SBF1: variants seen among roughly 807,000 people sequenced by gnomAD.
SBF1 encodes the protein myotubularin-related protein 5.
In SBF1, 65 loss-of-function variants were observed where a neutral mutation model predicts 215.8. That is an observed-to-expected ratio of 0.30 (90% CI 0.25 to 0.37). The LOEUF is 0.37. Among genes scored for constraint, SBF1 ranks in the 10% least tolerant of loss-of-function variants. The pLI is 1.00. For synonymous variants in SBF1, 1,410 were observed against 1,122.8 expected (o/e 1.26, Z -5.11); for missense variants, 2,634 against 2,667.8 (o/e 0.99, Z 0.28).
Position 50,455,095 on chromosome 22 carries a change from G to A in SBF1, c.4602C>T (p.Leu1534=). Residue 1534 remains leucine (L), a synonymous_variant, in exon 34 of 41, where the codon CTC becomes CTT. Transcript: ENST00000380817. ...ACACATGGTGGTAGCCGAGGAACTT[G>A]AGGTAGAACTGGCTGAACTCAAACT... The part of the protein sequence containing the change: ...PMEFEFSQFY[L]KFLGYHHVSR... 6.2e-7 allele frequency: 1 copy of A among 1,614,140 alleles called. No individual in the cohort carries two copies. The highest frequency in any genetic ancestry group is 1.3e-5 in the African/African-American group (1 of 75,066).
At chr22:50,459,446 C>T in intron 27 of SBF1, 24 bp downstream of exon 27, 1 of 1,611,774 alleles carries the variant, frequency 6.2e-7, no homozygotes, top group African/African-American at 1.3e-5. Context: ...GCAGGGCAGG[C>T]ACAGGGCAGG....
chr22:50,466,225 C>A lies in SBF1; in HGVS notation c.822G>T (p.Leu274=), dbSNP rs765389414. 1.2e-6 allele frequency: 2 copies of A among 1,613,510 alleles called. No homozygotes were observed. Among genetic ancestry groups the A allele is most frequent in the East Asian group, 4.5e-5 (2 of 44,880 alleles). The change falls in exon 8 of 41, where the codon CTG becomes CTT. Residue 274 remains leucine (L), a synonymous_variant. Transcript: ENST00000380817. ...FTYVPILPAQ[L]LEVLSTPTPF... ...GCGTGGGTGTGCTGAGGACCTCCAG[C>A]AGCTGAGCCGGCAGGATGGGCACAT...
At chr22:50,467,285 C>A in intron 5 of SBF1, 53 bp downstream of exon 5, 3 of 1,463,978 alleles carry the variant, frequency 2.0e-6, no homozygotes, top group Non-Finnish European at 9.5e-7. Flanking sequence ...CCTACCAGGG[C>A]CCCAGCAGGA....
Position 50,446,744 on chromosome 22 carries a change from G to A in SBF1, c.*398C>T, listed in dbSNP as rs1378943900. Reference sequence around the variant, plus strand: ...CAGGTGGGCCTGGATAGGGGCAGATGGGACCCTCTGGGTAGGCCGAGAGCA... The same window carrying A: ...CAGGTGGGCCTGGATAGGGGCAGATAGGACCCTCTGGGTAGGCCGAGAGCA... On this transcript the variant is annotated 3_prime_UTR_variant, in exon 41 of 41. Coordinates refer to ENST00000380817, the MANE Select transcript of SBF1 (RefSeq NM_002972.4). The A allele has an allele frequency of 1.0e-5, 5 of 493,878 alleles. No individual in the cohort carries two copies. The highest frequency in any genetic ancestry group is 1.6e-5 in the Non-Finnish European group (4 of 252,038). 30.6% of individuals were successfully genotyped at this position (493,878 alleles called of 1,614,324 possible). A position where few individuals can be genotyped will look rare whatever the true frequency, so the allele number is the denominator to read the frequency against.
chr22:50,458,954 G>A (rs766648178), intron 28 of SBF1, among the ~76,000 whole-genome samples: 3 of 152,232 alleles, frequency 2.0e-5, no homozygotes, highest in Non-Finnish European at 4.4e-5. Flanking sequence ...AGACAGAGCC[G>A]CGTAGAGGCA....
chr22:50,453,934 C>T (rs2067146331), intron 36 of SBF1, among the ~76,000 whole-genome samples: 1 of 152,132 alleles, frequency 6.6e-6, no homozygotes, highest in African/African-American at 2.4e-5. Flanking sequence ...AAAGGTAGCA[C>T]CACGCGCAGG....
intron 36 of SBF1, among the ~76,000 whole-genome samples, chr22:50,450,444 A>T (rs541762515): frequency 5.3e-5 from 8 of 150,664 alleles, no homozygotes; most frequent in African/African-American, 2.0e-4. Flanking sequence ...TTGCTTGAAC[A>T]TGGGAAGTGG....
At chr22:50,457,285 CCT>C in intron 28 of SBF1, 174 bp from the exon 29 acceptor site, 1 of 497,548 alleles carries the variant, frequency 2.0e-6, no homozygotes, top group Non-Finnish European at 3.4e-6. Context: ...CTGGTGTGGG[CCT>C]CTCTGCCAGG....
At position 50,447,438 on chromosome 22, in the gene SBF1, G is replaced by A; in HGVS notation, c.5467C>T (p.His1823Tyr). 1 of 1,613,720 alleles carries A rather than the reference G, an allele frequency of 6.2e-7. No homozygotes were observed. The highest frequency in any genetic ancestry group is 8.5e-7 in the Non-Finnish European group (1 of 1,179,934). The change falls in exon 40 of 41, where the codon CAC becomes TAC. Residue 1823 changes from histidine to tyrosine, a missense_variant. Transcript: ENST00000380817. Reference sequence around the variant, plus strand: ...CCCTTGCACTCTGTGTCCACACGGTGGTCGTAGTAGCGCAGCTGGAGGAGG... The same window carrying A: ...CCCTTGCACTCTGTGTCCACACGGTAGTCGTAGTAGCGCAGCTGGAGGAGG... Reference protein sequence around the residue: ...KTKHQLRYYDHRVDTECKGVI... With the variant: ...KTKHQLRYYDYRVDTECKGVI...
In SBF1 at chr22:50,456,726, C is replaced by T; in HGVS notation, c.3905-53G>A. ...CAAAGGGGGCCAGGGCACCACTTACCTGGGGCTGGCTGGGCCCGGCCTCCA... is the reference window on the plus strand; with the variant it reads ...CAAAGGGGGCCAGGGCACCACTTACTTGGGGCTGGCTGGGCCCGGCCTCCA... On this transcript the variant is annotated intron_variant, in intron 29 of 40. Coordinates refer to ENST00000380817, the MANE Select transcript of SBF1 (RefSeq NM_002972.4). The T allele has an allele frequency of 2.1e-6, 3 of 1,400,768 alleles. No homozygotes were observed. In the South Asian group the frequency reaches 4.6e-5, roughly 21 times the overall value. 86.8% of individuals were successfully genotyped at this position (1,400,768 alleles called of 1,614,324 possible).
intron 31 of SBF1, 183 bp downstream of exon 31, chr22:50,456,033 C>T: frequency 6.0e-6 from 4 of 662,568 alleles, no homozygotes; most frequent in Non-Finnish European, 1.0e-5. Context: ...GTCAGCTGGC[C>T]CCAGCCAGGC....
At position 50,446,460 on chromosome 22, in the gene SBF1, G is replaced by A. The variant is rs1453511046; in HGVS notation, c.*682C>T. ...TCTGGACCTGCAACAGCCTTCTGGG[G>A]TCAAATGACCACCCACCCTTTCACC... is the stretch of plus-strand genomic sequence containing the variant. On this transcript the variant is annotated 3_prime_UTR_variant, in exon 41 of 41. Coordinates refer to ENST00000380817, the MANE Select transcript of SBF1 (RefSeq NM_002972.4). 4.8e-5 allele frequency: 9 copies of A among 186,576 alleles called. No individual in the cohort carries two copies. Among genetic ancestry groups the A allele is most frequent in the Non-Finnish European group, 1.0e-4 (9 of 88,414 alleles). The allele number at this position is 186,576 out of a possible 1,614,324, so 11.6% of individuals were successfully genotyped here. A position where few individuals can be genotyped will look rare whatever the true frequency, so the allele number is the denominator to read the frequency against.
At position 50,447,353 on chromosome 22, in the gene SBF1, G is replaced by A; in HGVS notation, c.5552C>T (p.Pro1851Leu). Reference protein sequence around the residue: ...VAPGTPTMGAPKTVDEKAFFD... With the variant: ...VAPGTPTMGALKTVDEKAFFD... ...GAAGGCCTTCTCGTCCACAGTCTTA[G>A]GGGCACCCATAGTGGGCGTGCCAGG... is the stretch of plus-strand genomic sequence containing the variant. Residue 1851 changes from proline (P) to leucine (L), a missense_variant, in exon 40 of 41, where the codon CCT (proline) becomes CTT (leucine). Coordinates refer to ENST00000380817, the MANE Select transcript of SBF1 (RefSeq NM_002972.4). 2 of 1,614,038 alleles carry A rather than the reference G, an allele frequency of 1.2e-6. No homozygotes were observed. The highest frequency in any genetic ancestry group is 1.7e-6 in the Non-Finnish European group (2 of 1,179,964).
chr22:50,455,349 G>A lies in SBF1; in HGVS notation c.4429C>T (p.Leu1477=), dbSNP rs1267035763. 1 of 1,613,454 alleles carries A rather than the reference G, an allele frequency of 6.2e-7. No individual in the cohort carries two copies. Among genetic ancestry groups the A allele is most frequent in the Non-Finnish European group, 8.5e-7 (1 of 1,179,966 alleles). Residue 1477 remains leucine, a synonymous_variant, in exon 33 of 41, where the codon CTG becomes TTG. Transcript: ENST00000380817. ...PFYRTLEGFR[L]LVEKEWLSFG... is the part of the protein sequence containing the mutation. ...GACAGCCACTCCTTCTCCACCAGCA[G>A]GCGAAAGCCCTCCAGCGTGCGGTAG... is the stretch of plus-strand genomic sequence containing the variant.
At chr22:50,449,383 G>T (rs1007619490) in intron 36 of SBF1, among the ~76,000 whole-genome samples, 1 of 152,080 alleles carries the variant, frequency 6.6e-6, no homozygotes, top group African/African-American at 2.4e-5. Flanking sequence ...TTGGGTGGCC[G>T]AGGCGGGTGG....
At chr22:50,456,818 G>A (rs763413794) in intron 29 of SBF1, 145 bp from the exon 30 acceptor site, 17 of 779,674 alleles carry the variant, frequency 2.2e-5, no homozygotes, top group Non-Finnish European at 3.4e-5. Flanking sequence ...GCGAGAGGAG[G>A]GCTGGAACAC....
intron 36 of SBF1, among the ~76,000 whole-genome samples, chr22:50,450,934 C>T (rs1048129476): frequency 9.2e-5 from 14 of 152,046 alleles, no homozygotes; most frequent in African/African-American, 3.1e-4. Flanking sequence ...ATGGCAAGAC[C>T]CCATCTTTAT....
At chr22:50,464,146 C>T (rs777153741) in intron 15 of SBF1, among the ~76,000 whole-genome samples, 183 bp downstream of exon 15, 4 of 152,246 alleles carry the variant, frequency 2.6e-5, no homozygotes, top group Non-Finnish European at 5.9e-5. Context: ...CGACCCACCC[C>T]TCACTGAGGT....
chr22:50,455,993 AC>A, intron 31 of SBF1: 1 of 577,492 alleles, frequency 1.7e-6, no homozygotes, highest in Non-Finnish European at 3.0e-6. Context: ...GCTCCGACAT[AC>A]CCATGCCCAA....
Sources: allele counts gnomAD v4.1 joint callset (sites outside exome capture counted in the v4.1 genomes callset), GRCh38; gene constraint gnomAD v4.1.1; transcripts MANE v1.5; gene names NCBI Gene and HGNC (gene_info 2026-07-23, HGNC 2026-07-21).